MYH10: variants seen among roughly 807,000 people sequenced by gnomAD.
The protein encoded by MYH10 is myosin heavy chain 10.
In MYH10, 55 loss-of-function variants were observed where a neutral mutation model predicts 257.8. The ratio of observed to expected loss-of-function variants is 0.21; its 90% CI spans 0.17 to 0.27. The LOEUF (loss-of-function observed/expected upper bound fraction) is 0.27. MYH10 is among the 10% of genes least tolerant of loss of function. The pLI is 1.00. For missense variants in MYH10, 1,631 were observed against 2,500.6 expected (o/e 0.65, Z 7.42); for synonymous variants, 854 against 921.7 (o/e 0.93, Z 1.33).
chr17:8,495,585 G>C (rs1916458188), intron 30 of MYH10, among the ~76,000 whole-genome samples: 1 of 152,146 alleles, frequency 6.6e-6, no homozygotes, highest in African/African-American at 2.4e-5. Flanking sequence ...TCCTCTGTGG[G>C]GAGGCTGAAG....
intron 2 of MYH10, 44 bp downstream of exon 2, chr17:8,622,858 T>G: frequency 6.3e-7 from 1 of 1,585,778 alleles, no homozygotes; most frequent in Non-Finnish European, 8.6e-7. Context: ...TTTACATTAA[T>G]TCCTAGCTAC....
chr17:8,509,794 G>T lies in MYH10; in HGVS notation c.3090+18C>A. ...TTTCTGTAACTAAAATCAGCTTTTT[G>T]TGGGAACACTCTCTTACTTTGATGA... is the stretch of plus-strand genomic sequence containing the variant. On this transcript the variant is annotated intron_variant, in intron 25 of 42. Transcript: ENST00000360416. The T allele has an allele frequency of 1.3e-6, 2 of 1,582,802 alleles. No individual in the cohort carries two copies. Among genetic ancestry groups the T allele is most frequent in the African/African-American group, 1.4e-5 (1 of 72,932 alleles).
At chr17:8,594,416 T>C (rs2084282694) in intron 3 of MYH10, among the ~76,000 whole-genome samples, 2 of 152,146 alleles carry the variant, frequency 1.3e-5, no homozygotes, top group African/African-American at 4.8e-5. Flanking sequence ...TACAATTTAA[T>C]AAAGATGGAC....
intron 14 of MYH10, among the ~76,000 whole-genome samples, chr17:8,537,755 A>G (rs757653513): frequency 2.0e-5 from 3 of 152,216 alleles, no homozygotes; most frequent in Non-Finnish European, 2.9e-5. Context: ...TTTTTTCTAA[A>G]TGACTTGGTG....
At chr17:8,484,050 G>A (rs1333681277) in intron 37 of MYH10, 88 bp downstream of exon 37, 11 of 1,267,958 alleles carry the variant, frequency 8.7e-6, no homozygotes, top group African/African-American at 1.5e-5. Flanking sequence ...ATTACAGTGG[G>A]CTACAAATAT....
Position 8,475,256 on chromosome 17 carries a change from T to A in MYH10, c.*548A>T, listed in dbSNP as rs1555564888. On this transcript the variant is annotated 3_prime_UTR_variant, in exon 43 of 43. Transcript: ENST00000360416. The stretch of plus-strand genomic sequence containing the variant: ...CGATCCAGCCCACCCCTCCTACTCT[T>A]TCCAAAGCCCCTTTCACAGTTTGCT... 6.5e-6 allele frequency: 1 copy of A among 153,266 alleles called. No homozygotes were observed. Among genetic ancestry groups the A allele is most frequent in the Non-Finnish European group, 1.5e-5 (1 of 68,778 alleles). The allele number at this position is 153,266 out of a possible 1,614,324, so 9.5% of individuals were successfully genotyped here. A position where few individuals can be genotyped will look rare whatever the true frequency, so the allele number is the denominator to read the frequency against.
At position 8,530,679 on chromosome 17, in the gene MYH10, T is replaced by C; in HGVS notation, c.1901A>G (p.Gln634Arg). ...FVAELWKDEI[Q>R]NIQRASFYDS... ...ATAGAAAGAAGCTCTCTGAATATTC[T>C]GAATCTCTAAAGCAGAGAAACAGCA... Residue 634 changes from glutamine (Q) to arginine (R), a missense_variant, in exon 17 of 43, where the codon CAG (glutamine) becomes CGG (arginine). By Grantham distance (43) the Gln-to-Arg change is conservative. Transcript: ENST00000360416. 2 of 1,549,402 alleles carry C rather than the reference T, an allele frequency of 1.3e-6. No homozygotes were observed. The highest frequency in any genetic ancestry group is 1.7e-6 in the Non-Finnish European group (2 of 1,146,398).
chr17:8,606,022 G>A (rs1251211401), intron 2 of MYH10, among the ~76,000 whole-genome samples: 1 of 151,812 alleles, frequency 6.6e-6, no homozygotes, highest in Non-Finnish European at 1.5e-5. Context: ...AACTTGTCAT[G>A]ATTAACTACT....
chr17:8,509,976 G>A (rs1303728012), intron 24 of MYH10, 27 bp from the exon 25 acceptor site: 4 of 1,566,776 alleles, frequency 2.6e-6, no homozygotes, highest in African/African-American at 2.8e-5. Flanking sequence ...AGTCAGTCTC[G>A]CCACTTTCTC....
rs531938067 is a variant in MYH10 at position 8,574,298 on chromosome 17, T to C, written c.663+2345A>G. On this transcript the variant is annotated intron_variant, in intron 6 of 42. Coordinates refer to ENST00000360416, the MANE Select transcript of MYH10 (RefSeq NM_001256012.3). ...CCGTCAGGGAGGACCACATATTATA[T>C]GATTCCATTCACACGAAATGTCTAG... 7.9e-5 allele frequency among the ~76,000 whole-genome samples: 12 copies of C among 152,350 alleles called. No individual in the cohort carries two copies. The South Asian group carries it at 2.5e-3, about 32-fold the overall frequency.
intron 3 of MYH10, among the ~76,000 whole-genome samples, chr17:8,596,731 T>C (rs1042968868): frequency 1.3e-5 from 2 of 151,538 alleles, no homozygotes; most frequent in Admixed American, 6.6e-5. Flanking sequence ...TCAGTAGTCC[T>C]AACATCTTTT....
Position 8,581,038 on chromosome 17 carries a change from C to T in MYH10, c.531-3700G>A, listed in dbSNP as rs142280109. On this transcript the variant is annotated intron_variant, in intron 4 of 42. Transcript: ENST00000360416. ...ATGTGTTCAGGAAGATGGAGAGGTA[C>T]ATGCAAAGACCCCAAAGCAGAAAAG... 4.7e-3 allele frequency among the ~76,000 whole-genome samples: 718 copies of T among 152,180 alleles called. 10 individuals are homozygous for T. The highest frequency in any genetic ancestry group is 0.016 in the African/African-American group (672 of 41,540).
intron 31 of MYH10, 151 bp downstream of exon 31, chr17:8,494,986 C>T: frequency 1.7e-6 from 1 of 605,902 alleles, no homozygotes; most frequent in East Asian, 2.9e-5. Context: ...AGGGAGAAAT[C>T]CCGAGTAGCA....
chr17:8,554,768 G>A (rs149949746), intron 7 of MYH10, among the ~76,000 whole-genome samples: 97 of 152,222 alleles, frequency 6.4e-4, no homozygotes, highest in African/African-American at 2.2e-3. Context: ...CGGCCAATAC[G>A]GTGAAACCCC....
intron 3 of MYH10, among the ~76,000 whole-genome samples, chr17:8,589,867 A>C (rs755797762): frequency 6.6e-6 from 1 of 152,222 alleles, no homozygotes; most frequent in Non-Finnish European, 1.5e-5. Context: ...ATCACTTATG[A>C]GTATTACTAT....
At chr17:8,584,830 T>G (rs2083834695) in intron 4 of MYH10, among the ~76,000 whole-genome samples, 1 of 152,100 alleles carries the variant, frequency 6.6e-6, no homozygotes, top group South Asian at 2.1e-4. Context: ...TGCATCTAGT[T>G]GTATTTATTT....
intron 28 of MYH10, among the ~76,000 whole-genome samples, chr17:8,503,718 A>G (rs1372749248): frequency 6.6e-6 from 1 of 152,208 alleles, no homozygotes; most frequent in Non-Finnish European, 1.5e-5. Flanking sequence ...CTCTCTGGCC[A>G]CACTTGCATT....
intron 21 of MYH10, among the ~76,000 whole-genome samples, chr17:8,514,662 G>A (rs1169388488): frequency 6.6e-6 from 1 of 150,470 alleles, no homozygotes; most frequent in Non-Finnish European, 1.5e-5. Flanking sequence ...AGGCCCAAAT[G>A]AAGCTCATTA....
Position 8,475,779 on chromosome 17 carries a change from T to C in MYH10, c.*25A>G, listed in dbSNP as rs1409445047. On this transcript the variant is annotated 3_prime_UTR_variant, in exon 43 of 43. Coordinates refer to ENST00000360416, the MANE Select transcript of MYH10 (RefSeq NM_001256012.3). ...GTGCATTCCTAACTGTCCCACTGTA[T>C]TGCCTCCTCTGGCTTCCTGCAACTT... 10 of 1,611,762 alleles carry C rather than the reference T, an allele frequency of 6.2e-6. 1 individual carries two copies. The highest frequency in any genetic ancestry group is 2.2e-5 in the South Asian group (2 of 90,816).
Sources: allele counts gnomAD v4.1 joint callset (sites outside exome capture counted in the v4.1 genomes callset), GRCh38; gene constraint gnomAD v4.1.1; transcripts MANE v1.5; gene names NCBI Gene and HGNC (gene_info 2026-07-23, HGNC 2026-07-21).